RARRES1: variants seen among roughly 807,000 people sequenced by gnomAD.
RARRES1 encodes retinoic acid receptor responder 1.
A neutral mutation model predicts 30.6 loss-of-function variants in RARRES1; 34 were observed. The ratio of observed to expected loss-of-function variants is 1.11; its 90% CI spans 0.84 to 1.48. The LOEUF (loss-of-function observed/expected upper bound fraction) is 1.48. Among genes scored for constraint, RARRES1 ranks in the 40% most tolerant of loss-of-function variants. RARRES1 has a pLI of 0.00. For synonymous variants in RARRES1, 153 were observed against 155.5 expected (o/e 0.98, Z 0.12); for missense variants, 373 against 386.5 (o/e 0.97, Z 0.29).
chr3:158,705,826 G>A (rs967145126), intron 3 of RARRES1: 2 of 152,068 alleles, frequency 1.3e-5, no homozygotes, highest in Non-Finnish European at 2.9e-5. Flanking sequence ...TTTTTCTGTG[G>A]CATTGTTTTC....
At chr3:158,719,269 A>ATT (rs574609197) in intron 1 of RARRES1, among the ~76,000 whole-genome samples, 9 of 122,142 alleles carry the variant, frequency 7.4e-5, no homozygotes, top group African/African-American at 9.8e-5. Context: ...TTATGCTCTA[A>ATT]TTTTTTTTTT....
Position 158,732,332 on chromosome 3 carries a change from C to T in RARRES1, c.84G>A (p.Leu28=). The T allele has an allele frequency of 1.4e-6, 2 of 1,399,660 alleles. No homozygotes were observed. The highest frequency in any genetic ancestry group is 2.4e-4 in the Middle Eastern group (1 of 4,224). The allele number at this position is 1,399,660 out of a possible 1,614,324, so 86.7% of individuals were successfully genotyped here. ...GCGCCGCCACCGGGGCGAGCAACAGCAGCAGCGCGAGCAGCGGGGCGGTGG... is the reference window on the plus strand; with the variant it reads ...GCGCCGCCACCGGGGCGAGCAACAGTAGCAGCGCGAGCAGCGGGGCGGTGG... The part of the protein sequence containing the change: ...PRPTAPLLAL[L]LLLAPVAAPA... Residue 28 remains leucine, a synonymous_variant, in exon 1 of 6, where the codon CTG becomes CTA. Transcript: ENST00000237696.
At chr3:158,713,241 A>G (rs1054587450) in intron 2 of RARRES1, among the ~76,000 whole-genome samples, 2 of 152,100 alleles carry the variant, frequency 1.3e-5, no homozygotes, top group African/African-American at 4.8e-5. Context: ...TCTAATTTCT[A>G]TACGAGTTTT....
intron 3 of RARRES1, among the ~76,000 whole-genome samples, chr3:158,709,717 A>G (rs1305252186): frequency 1.3e-5 from 2 of 152,232 alleles, no homozygotes; most frequent in Admixed American, 1.3e-4. Context: ...GGGTGGGACC[A>G]TGAATGCTGT....
rs1726770950 is a variant in RARRES1 at position 158,702,532 on chromosome 3, G to A, written c.672+2259C>T. 2.0e-5 allele frequency among the ~76,000 whole-genome samples: 3 copies of A among 152,142 alleles called. No homozygotes were observed. In the South Asian group the frequency reaches 6.2e-4, roughly 32 times the overall value. ...GTCATATGCAACTGCAAAAGAAAGG[G>A]GAACATGTTAAATGTCCTAGTTTTT... On this transcript the variant is annotated intron_variant, in intron 4 of 5. Transcript: ENST00000237696.
At chr3:158,717,843 G>T (rs952518813) in intron 1 of RARRES1, among the ~76,000 whole-genome samples, 2 of 152,094 alleles carry the variant, frequency 1.3e-5, no homozygotes, top group African/African-American at 4.8e-5. Flanking sequence ...CCCCAGCCAG[G>T]CTGCGGCAGG....
intron 1 of RARRES1, among the ~76,000 whole-genome samples, chr3:158,727,071 C>T (rs9849301): frequency 0.15 from 22,281 of 152,186 alleles, 1,733 homozygotes; most frequent in South Asian, 0.22. Flanking sequence ...CTTGAGGCCT[C>T]TCCAGAAGCG....
At chr3:158,728,008 A>G (rs1727745657) in intron 1 of RARRES1, among the ~76,000 whole-genome samples, 1 of 152,222 alleles carries the variant, frequency 6.6e-6, no homozygotes, top group African/African-American at 2.4e-5. Flanking sequence ...CACAGAATCA[A>G]AGAATTTCAG....
rs529105805 is a variant in RARRES1 at position 158,713,430 on chromosome 3, G to A, written c.339+367C>T. 2.6e-5 allele frequency among the ~76,000 whole-genome samples: 4 copies of A among 152,202 alleles called. No individual in the cohort carries two copies. The South Asian group carries it at 8.3e-4, about 32-fold the overall frequency. On this transcript the variant is annotated intron_variant, in intron 2 of 5. Coordinates refer to ENST00000237696, the MANE Select transcript of RARRES1 (RefSeq NM_206963.2). ...CTGTGCTGGCCTGCTAACCAGAAAT[G>A]TCACCCTCTGACAGGAAGAGAGTAA...
At chr3:158,704,627 G>T in intron 4 of RARRES1, 164 bp downstream of exon 4, 1 of 1,128,034 alleles carries the variant, frequency 8.9e-7, no homozygotes, top group Non-Finnish European at 1.2e-6. Flanking sequence ...TGTATCCCCA[G>T]CCCCTGAAAC....
At chr3:158,719,328 A>G (rs939656461) in intron 1 of RARRES1, among the ~76,000 whole-genome samples, 11 of 148,196 alleles carry the variant, frequency 7.4e-5, no homozygotes, top group Non-Finnish European at 1.5e-4. Context: ...CTGGAGTGCA[A>G]TGGTGCAATC....
chr3:158,715,356 C>G (rs993144025), intron 1 of RARRES1, among the ~76,000 whole-genome samples: 22 of 152,196 alleles, frequency 1.4e-4, no homozygotes, highest in Non-Finnish European at 1.2e-4. Flanking sequence ...CCTAAACTAA[C>G]TCTTTGAGGA....
rs986039224 is a variant in RARRES1 at position 158,713,245 on chromosome 3, G to A, written c.339+552C>T. ...GTTCATCTGGCTCTAATTTCTATAC[G>A]AGTTTTCTCTTTACTCTCTTCTTGA... On this transcript the variant is annotated intron_variant, in intron 2 of 5. Transcript: ENST00000237696. Among the ~76,000 whole-genome samples, 5 of 152,164 alleles carry A rather than the reference G, an allele frequency of 3.3e-5. No homozygotes were observed. In the East Asian group the frequency reaches 5.8e-4, roughly 18 times the overall value.
chr3:158,720,262 GTGTA>G (rs1239044680), intron 1 of RARRES1, among the ~76,000 whole-genome samples: 11 of 145,066 alleles, frequency 7.6e-5, no homozygotes, highest in East Asian at 2.0e-4. Flanking sequence ...GTGTGTGTGT[GTGTA>G]TGTGTGTGAG....
At chr3:158,700,632 C>T (rs1389591946) in intron 4 of RARRES1, among the ~76,000 whole-genome samples, 2 of 152,182 alleles carry the variant, frequency 1.3e-5, no homozygotes, top group African/African-American at 4.8e-5. Context: ...CATTGCACAT[C>T]CCAGCCTGGC....
intron 1 of RARRES1, among the ~76,000 whole-genome samples, chr3:158,722,909 C>G (rs1372065646): frequency 2.0e-5 from 3 of 151,474 alleles, no homozygotes; most frequent in African/African-American, 4.9e-5. Context: ...ATCTAACATC[C>G]CCTTTAAACT....
chr3:158,726,558 A>T (rs760486236), intron 1 of RARRES1, among the ~76,000 whole-genome samples: 13 of 152,380 alleles, frequency 8.5e-5, no homozygotes, highest in Non-Finnish European at 1.9e-4. Context: ...ATAAGTAAAT[A>T]TTCTGTAAAC....
Position 158,720,353 on chromosome 3 carries a change from T to C in RARRES1, c.277-6494A>G, listed in dbSNP as rs1727477686. On this transcript the variant is annotated intron_variant, in intron 1 of 5. Transcript: ENST00000237696. ...CAAGGTCCCTGTGGACAAGAACCAC[T>C]GCAAACCTTCCTCTGGAAGGGAGAC... 4.0e-5 allele frequency among the ~76,000 whole-genome samples: 6 copies of C among 149,830 alleles called. No homozygotes were observed. The South Asian group carries it at 1.3e-3, about 33-fold the overall frequency.
intron 4 of RARRES1, 64 bp from the exon 5 acceptor site, chr3:158,698,034 T>C (rs1367248680): frequency 1.7e-6 from 2 of 1,174,354 alleles, no homozygotes; most frequent in East Asian, 5.1e-5. Context: ...AACTATACAA[T>C]ACATTCTTGT....
Sources: allele counts gnomAD v4.1 joint callset (sites outside exome capture counted in the v4.1 genomes callset), GRCh38; gene constraint gnomAD v4.1.1; transcripts MANE v1.5; gene names NCBI Gene and HGNC (gene_info 2026-07-23, HGNC 2026-07-21).